The following SLC8A3 variants were observed in gnomAD, a reference collection of about 807,000 sequenced individuals.
SLC8A3 encodes the protein sodium/calcium exchanger 3.
A neutral mutation model predicts 65.4 loss-of-function variants in SLC8A3; 37 were observed. The ratio of observed to expected loss-of-function variants is 0.57; its 90% CI spans 0.44 to 0.74. SLC8A3 has a LOEUF of 0.74. SLC8A3 is among the 30% of genes least tolerant of loss of function. The pLI is 0.00. For synonymous variants in SLC8A3, 461 were observed against 444.5 expected (o/e 1.04, Z -0.47); for missense variants, 1,112 against 1,172.1 (o/e 0.95, Z 0.75).
rs1485703014 is a variant in SLC8A3 at position 70,046,919 on chromosome 14, T to C, written c.2390-596A>G. On this transcript the variant is annotated intron_variant, in intron 6 of 6. Coordinates refer to ENST00000356921, the MANE Select transcript of SLC8A3 (RefSeq NM_182932.3). This position sits in a 1 kb window ranked among gnomAD's most constrained non-coding sequence, Gnocchi z 4.2. ...CACAGGGCCTTGCAGGGTGTTTGAC[T>C]TTAGATCTTGGCACAGATTGTAGAT... is the stretch of plus-strand genomic sequence containing the variant. The C allele has an allele frequency of 6.6e-6, 1 of 152,320 alleles. No homozygotes were observed. Among genetic ancestry groups the C allele is most frequent in the African/African-American group, 2.4e-5 (1 of 41,440 alleles). The allele number at this position is 152,320 out of a possible 1,614,324, so 9.4% of individuals were successfully genotyped here.
chr14:70,170,482 G>A (rs1897456283), intron 1 of SLC8A3, among the ~76,000 whole-genome samples: 1 of 152,126 alleles, frequency 6.6e-6, no homozygotes, highest in South Asian at 2.1e-4. Context: ...TGTTTATCAT[G>A]GTATCCTGAA....
intron 3 of SLC8A3, among the ~76,000 whole-genome samples, chr14:70,055,638 T>G (rs1463689033): frequency 6.6e-6 from 1 of 152,208 alleles, no homozygotes; most frequent in East Asian, 1.9e-4. Context: ...TCATAATTTC[T>G]TCATGTGGGA....
intron 2 of SLC8A3, among the ~76,000 whole-genome samples, chr14:70,074,760 G>A (rs919265834): frequency 1.3e-5 from 2 of 152,182 alleles, no homozygotes; most frequent in African/African-American, 4.8e-5. Flanking sequence ...ATATTTTAAT[G>A]CAATGATTTT....
chr14:70,093,375 A>G (rs1206809937), intron 2 of SLC8A3, among the ~76,000 whole-genome samples: 1 of 152,180 alleles, frequency 6.6e-6, no homozygotes, highest in African/African-American at 2.4e-5. Context: ...AACAGCTGAG[A>G]TGGACACTGT....
rs372999947 is a variant in SLC8A3, at chr14:70,049,016, C to T, written c.2140G>A (p.Gly714Arg). The T allele has an allele frequency of 4.6e-5, 74 of 1,612,470 alleles. No homozygotes were observed. The African/African-American group carries it at 5.7e-4, about 13-fold the overall frequency. ...AAGCAGGAGGGCAGCCTCTCCTCCCCGGATTCATCCTCATCCTCATCCCCT... is the reference window on the plus strand; with the variant it reads ...AAGCAGGAGGGCAGCCTCTCCTCCCTGGATTCATCCTCATCCTCATCCCCT... ...AAGDEDEDES[G>R]EERLPSCFDY... The change falls in exon 6 of 7, where the codon GGG becomes AGG. Residue 714 changes from glycine (G) to arginine (R), a missense_variant. Transcript: ENST00000356921.
At chr14:70,185,048 C>A (rs766087159) in intron 1 of SLC8A3, among the ~76,000 whole-genome samples, 2 of 150,698 alleles carry the variant, frequency 1.3e-5, no homozygotes, top group Admixed American at 6.6e-5. Flanking sequence ...CTCACTGCAA[C>A]CTCTGCCTCC....
At chr14:70,185,220 G>A (rs1391991237) in intron 1 of SLC8A3, among the ~76,000 whole-genome samples, 1 of 152,168 alleles carries the variant, frequency 6.6e-6, no homozygotes, top group Non-Finnish European at 1.5e-5. Context: ...GCCTGCCTCG[G>A]CCTCCCAAAG....
intron 2 of SLC8A3, among the ~76,000 whole-genome samples, chr14:70,086,091 T>C (rs916465787): frequency 6.6e-6 from 1 of 152,224 alleles, no homozygotes; most frequent in African/African-American, 2.4e-5. Flanking sequence ...TCCGAGTCTC[T>C]CTCTGGCTTC....
rs1891203294 is a variant in SLC8A3 at position 70,083,414 on chromosome 14, C to T, written c.1785-22475G>A. Among the ~76,000 whole-genome samples the T allele has an allele frequency of 2.0e-5, 3 of 152,118 alleles. No homozygotes were observed. The South Asian group carries it at 6.2e-4, about 32-fold the overall frequency. ...GGTATATTGGTCTGTTTCCTCTCTC[C>T]CAAAGGAAAACAAAATCCTGTTGGG... On this transcript the variant is annotated intron_variant, in intron 2 of 6. Coordinates refer to ENST00000356921, the MANE Select transcript of SLC8A3 (RefSeq NM_182932.3).
At chr14:70,083,183 T>C (rs963605687) in intron 2 of SLC8A3, among the ~76,000 whole-genome samples, 1 of 152,144 alleles carries the variant, frequency 6.6e-6, no homozygotes, top group African/African-American at 2.4e-5. Context: ...ACCACATACG[T>C]AGAGTGATTG....
At chr14:70,060,451 T>C (rs1339921102) in intron 3 of SLC8A3, among the ~76,000 whole-genome samples, 2 of 152,052 alleles carry the variant, frequency 1.3e-5, no homozygotes, top group African/African-American at 4.8e-5. Context: ...AATTTTCACA[T>C]TTACAGGTTA....
intron 1 of SLC8A3, among the ~76,000 whole-genome samples, chr14:70,184,070 C>T (rs1882979225): frequency 6.6e-6 from 1 of 152,090 alleles, no homozygotes; most frequent in Admixed American, 6.5e-5. Context: ...TTCTTTTTTA[C>T]CTACAACTGT....
chr14:70,086,550 C>T (rs1168937944), intron 2 of SLC8A3, among the ~76,000 whole-genome samples: 3 of 151,768 alleles, frequency 2.0e-5, no homozygotes, highest in Non-Finnish European at 4.4e-5. Context: ...TACAGGAGCC[C>T]GCCACCACAC....
intron 2 of SLC8A3, among the ~76,000 whole-genome samples, chr14:70,138,679 A>G (rs185216008): frequency 5.3e-5 from 8 of 152,346 alleles, no homozygotes; most frequent in African/African-American, 1.7e-4. Flanking sequence ...TGGAGTTCAG[A>G]AAAGATGGTC....
intron 2 of SLC8A3, among the ~76,000 whole-genome samples, chr14:70,063,568 C>T (rs1889059978): frequency 6.6e-6 from 1 of 152,204 alleles, no homozygotes; most frequent in African/African-American, 2.4e-5. Flanking sequence ...AGAACAATTA[C>T]CATCGGTCTT....
At chr14:70,177,015 T>C (rs181303482) in intron 1 of SLC8A3, among the ~76,000 whole-genome samples, 1 of 152,372 alleles carries the variant, frequency 6.6e-6, no homozygotes, top group East Asian at 1.9e-4. Context: ...ACCCAGCTTA[T>C]GTGTCACAGG....
intron 2 of SLC8A3, among the ~76,000 whole-genome samples, chr14:70,162,321 C>T (rs755058251): frequency 2.0e-5 from 3 of 152,202 alleles, no homozygotes; most frequent in Admixed American, 6.5e-5. Flanking sequence ...TCCTTTCCAA[C>T]TCTAACTTTC....
chr14:70,188,171 G>A (rs1009659233), intron 1 of SLC8A3, among the ~76,000 whole-genome samples: 4 of 152,028 alleles, frequency 2.6e-5, no homozygotes, highest in Non-Finnish European at 4.4e-5. Context: ...CATACACAAT[G>A]TACACTTTCC....
At chr14:70,170,292 C>A (rs1203211844) in intron 1 of SLC8A3, among the ~76,000 whole-genome samples, 2 of 152,160 alleles carry the variant, frequency 1.3e-5, no homozygotes, top group African/African-American at 2.4e-5. Flanking sequence ...ACAACAATAG[C>A]CTTCAGGTTC....
Sources: gnomAD v4.1 joint callset for allele counts (sites outside exome capture counted in the v4.1 genomes callset) on GRCh38, gnomAD v4.1.1 for gene constraint, Gnocchi (gnomAD v3.1) non-coding constraint, MANE v1.5 for transcripts, NCBI Gene and HGNC (gene_info 2026-07-23, HGNC 2026-07-21) for gene names.